The following MROH2B variants were observed in gnomAD, a reference collection of about 807,000 sequenced individuals.
MROH2B encodes maestro heat-like repeat-containing protein family member 2B.
MROH2B carries 177 observed loss-of-function variants against 208.6 expected under a neutral mutation model. The observed-to-expected ratio is 0.85, with a 90% CI of 0.75 to 0.96. MROH2B has a LOEUF of 0.96. Ranked by LOEUF, MROH2B falls within the 40% of genes least tolerant of loss-of-function variation. MROH2B has a pLI of 0.00. For synonymous variants in MROH2B, 728 were observed against 659.0 expected (o/e 1.10, Z -1.60); for missense variants, 2,002 against 1,878.7 (o/e 1.07, Z -1.21).
At chr5:41,018,291 C>A (rs1167565676) in intron 27 of MROH2B, 50 bp downstream of exon 27, 4 of 1,532,206 alleles carry the variant, frequency 2.6e-6, no homozygotes, top group Non-Finnish European at 3.6e-6. Flanking sequence ...TCTCAGAGAT[C>A]CCTGCTGTTC....
In MROH2B at chr5:41,050,940, T is replaced by C. The variant is rs758396100; in HGVS notation, c.1344+37A>G. The C allele has an allele frequency of 5.9e-6, 8 of 1,362,304 alleles. No homozygotes were observed. The East Asian group carries it at 2.0e-4, about 34-fold the overall frequency. 84.4% of individuals were successfully genotyped at this position (1,362,304 alleles called of 1,614,324 possible). ...CACAGGCTGGGCTTTAAGAAGGTGA[T>C]CAAAGTAACTGTAAGTGGTGACAAA... On this transcript the variant is annotated intron_variant, in intron 13 of 41. Transcript: ENST00000399564.
chr5:41,065,038 T>C (rs527693056), intron 4 of MROH2B, among the ~76,000 whole-genome samples: 10 of 152,324 alleles, frequency 6.6e-5, no homozygotes, highest in Non-Finnish European at 4.4e-5. Flanking sequence ...CATGTAAGTG[T>C]TCAGTGGTTT....
intron 24 of MROH2B, among the ~76,000 whole-genome samples, chr5:41,030,121 C>A (rs751062739): frequency 2.6e-5 from 4 of 151,534 alleles, no homozygotes; most frequent in Non-Finnish European, 4.4e-5. Context: ...CAACGAAACA[C>A]CAAACAACTT....
At chr5:41,056,956 G>A (rs1743474560) in intron 9 of MROH2B, 153 bp downstream of exon 9, 1 of 768,360 alleles carries the variant, frequency 1.3e-6, no homozygotes, top group African/African-American at 1.7e-5. Context: ...TGTGGGGAGA[G>A]GGGCAGGCAC....
At chr5:41,033,908 T>C (rs1742668010) in intron 21 of MROH2B, 44 bp from the exon 22 acceptor site, 11 of 1,546,686 alleles carry the variant, frequency 7.1e-6, no homozygotes, top group South Asian at 1.2e-5. Flanking sequence ...ATGAGTGGCA[T>C]TGAGAGATAT....
intron 24 of MROH2B, among the ~76,000 whole-genome samples, chr5:41,022,879 G>C (rs919397094): frequency 3.0e-4 from 46 of 152,286 alleles, no homozygotes; most frequent in African/African-American, 1.1e-3. Flanking sequence ...AACATTGGCT[G>C]TTCAGCAATA....
Position 41,007,421 on chromosome 5 carries a change from G to T in MROH2B, c.3642C>A (p.Ala1214=). 1 of 1,575,928 alleles carries T rather than the reference G, an allele frequency of 6.3e-7. No homozygotes were observed. Among genetic ancestry groups the T allele is most frequent in the Non-Finnish European group, 8.6e-7 (1 of 1,160,918 alleles). ...LSTATLKCLQ[A]QAMREGLAKE... ...TTGCAAGGCCTTCTCTCATGGCTTG[G>T]GCTTGCAAACATTTTAAAGTAGCAG... is the stretch of plus-strand genomic sequence containing the variant. Residue 1214 remains alanine (A), a synonymous_variant, in exon 34 of 42, where the codon GCC becomes GCA. Coordinates refer to ENST00000399564, the MANE Select transcript of MROH2B (RefSeq NM_173489.5).
intron 24 of MROH2B, among the ~76,000 whole-genome samples, chr5:41,031,265 T>C (rs554917416): frequency 6.6e-6 from 1 of 152,154 alleles, no homozygotes; most frequent in Admixed American, 6.5e-5. Flanking sequence ...AGAGTAAGCA[T>C]GTGAAGGAGG....
chr5:41,026,061 C>T (rs1258311119), intron 24 of MROH2B, among the ~76,000 whole-genome samples: 1 of 126,034 alleles, frequency 7.9e-6, no homozygotes, highest in Admixed American at 8.7e-5. Context: ...CTATTTATGA[C>T]AAACGCCCAG....
At chr5:41,031,531 A>T (rs80143089) in intron 24 of MROH2B, among the ~76,000 whole-genome samples, 2,383 of 152,148 alleles carry the variant, frequency 0.016, 76 homozygotes, top group East Asian at 0.14. Flanking sequence ...ATTATTTTTT[A>T]AAAAATTTTT....
chr5:41,005,413 A>AAAC, intron 35 of MROH2B, 118 bp downstream of exon 35: 1 of 202,686 alleles, frequency 4.9e-6, no homozygotes, highest in Non-Finnish European at 9.9e-6. Flanking sequence ...CCTCTATGAA[A>AAAC]CCCCCCCCCC....
At chr5:41,018,318 A>C in intron 27 of MROH2B, 23 bp downstream of exon 27, 1 of 1,599,798 alleles carries the variant, frequency 6.3e-7, no homozygotes, top group Non-Finnish European at 8.5e-7. Context: ...AATAAAGTCT[A>C]TTCATTCTAG....
Position 41,000,701 on chromosome 5 carries a change from C to T in MROH2B, c.4327G>A (p.Asp1443Asn). 2 of 1,611,932 alleles carry T rather than the reference C, an allele frequency of 1.2e-6. No individual in the cohort carries two copies. The highest frequency in any genetic ancestry group is 1.7e-6 in the Non-Finnish European group (2 of 1,179,110). The stretch of plus-strand genomic sequence containing the variant: ...ACAACTCCAATCTTGGGGTTGGGAT[C>T]CCAAAGGTGCAGAAGGAATGAAATC... The part of the protein sequence containing the change: ...SLISFLLHLW[D>N]PNPKIGVACR... Residue 1443 changes from aspartate to asparagine, a missense_variant, in exon 38 of 42, where the codon GAT becomes AAT. Physicochemically the swap from Asp to Asn is conservative, Grantham distance 23 (BLOSUM62 1). Coordinates refer to ENST00000399564, the MANE Select transcript of MROH2B (RefSeq NM_173489.5).
intron 20 of MROH2B, 77 bp downstream of exon 20, chr5:41,039,371 G>T: frequency 1.2e-6 from 1 of 830,570 alleles, no homozygotes; most frequent in Non-Finnish European, 1.9e-6. Context: ...TATAATATAA[G>T]AAAGGATATT....
chr5:41,039,972 A>G (rs73750228), intron 19 of MROH2B, among the ~76,000 whole-genome samples: 5,881 of 152,250 alleles, frequency 0.039, 131 homozygotes, highest in African/African-American at 0.056. Context: ...GAGAGTTTCA[A>G]TCAGAGAGAA....
chr5:41,018,839 C>A (rs1365392068), intron 25 of MROH2B, 44 bp downstream of exon 25: 3 of 1,613,446 alleles, frequency 1.9e-6, no homozygotes, highest in Non-Finnish European at 2.5e-6. Flanking sequence ...AGAGTAAGGC[C>A]CCACTGCAGA....
At chr5:40,998,270 G>A (rs1029153084) in intron 41 of MROH2B, 112 bp from the exon 42 acceptor site, 7 of 745,034 alleles carry the variant, frequency 9.4e-6, no homozygotes, top group Non-Finnish European at 1.6e-5. Flanking sequence ...CCCAAGTGGG[G>A]CTCAGGTCCT....
intron 4 of MROH2B, 104 bp downstream of exon 4, chr5:41,065,227 A>C (rs878914917): frequency 4.4e-6 from 5 of 1,139,978 alleles, no homozygotes; most frequent in Non-Finnish European, 6.1e-6. Context: ...TTGGTACAGA[A>C]GAAGGCAGAG....
Position 41,004,871 on chromosome 5 carries a change from A to G in MROH2B, c.3914T>C (p.Leu1305Pro), listed in dbSNP as rs1440217217. 6 of 1,613,924 alleles carry G rather than the reference A, an allele frequency of 3.7e-6. No individual in the cohort carries two copies. Among genetic ancestry groups the G allele is most frequent in the Non-Finnish European group, 4.2e-6 (5 of 1,179,888 alleles). ...CCAGGCACTTTGATCCATCAAGATC[A>G]GCACATTTCGCAGATTCCCATGCTT... ...LWKHGNLRNV[L>P]ILMDQSAWDS... The change falls in exon 36 of 42, where the codon CTG becomes CCG. Residue 1305 changes from leucine to proline, a missense_variant. By Grantham distance (98) the Leu-to-Pro change is moderately conservative. Transcript: ENST00000399564.
Sources: gnomAD v4.1 joint callset for allele counts (sites outside exome capture counted in the v4.1 genomes callset) on GRCh38, gnomAD v4.1.1 for gene constraint, MANE v1.5 for transcripts, NCBI Gene and HGNC (gene_info 2026-07-23, HGNC 2026-07-21) for gene names.